Variants in PLXNB2 observed in about 807,000 individuals in gnomAD.
PLXNB2 encodes the protein plexin-B2.
Under a neutral mutation model 202.6 loss-of-function variants are expected in PLXNB2, and 85 were observed. The ratio of observed to expected loss-of-function variants is 0.42; its 90% CI spans 0.35 to 0.50. The LOEUF (loss-of-function observed/expected upper bound fraction) is 0.50, where lower values mean the gene tolerates loss of function less well. PLXNB2 is among the 20% of genes least tolerant of loss of function. The pLI is 0.02. For missense variants in PLXNB2, 2,063 were observed against 2,586.2 expected, an observed-to-expected ratio of 0.80 and a Z score of 4.39; for synonymous variants, 1,239 against 1,137.6, an observed-to-expected ratio of 1.09 and a Z score of -1.79.
chr22:50,279,615 A>G lies in PLXNB2; in HGVS notation c.4389+15T>C. ...ATCCGAGGCGCCCATGGCGGCCCCCACCCCAGAAGCTCACCAGGGGTGCGT... is the reference window on the plus strand; with the variant it reads ...ATCCGAGGCGCCCATGGCGGCCCCCGCCCCAGAAGCTCACCAGGGGTGCGT... On this transcript the variant is annotated intron_variant, in intron 27 of 36. Transcript: ENST00000359337. 6.2e-7 allele frequency: 1 copy of G among 1,612,132 alleles called. No homozygotes were observed. Among genetic ancestry groups the G allele is most frequent in the Non-Finnish European group, 8.5e-7 (1 of 1,179,244 alleles).
intron 1 of PLXNB2, among the ~76,000 whole-genome samples, chr22:50,304,626 C>T (rs2067822800): frequency 6.6e-6 from 1 of 152,064 alleles, no homozygotes; most frequent in South Asian, 2.1e-4. Context: ...GGGCAGCTGC[C>T]TCCCCGGGGC....
chr22:50,298,845 C>G (rs1195716812), intron 1 of PLXNB2, among the ~76,000 whole-genome samples: 1 of 152,346 alleles, frequency 6.6e-6, no homozygotes, highest in African/African-American at 2.4e-5. Context: ...GGGGCTTCAC[C>G]GTGTTGCCCA....
In PLXNB2 at chr22:50,277,838, G is replaced by C. The variant is rs2065715829; in HGVS notation, c.5048+15C>G. 2 of 1,609,446 alleles carry C rather than the reference G, an allele frequency of 1.2e-6. No individual in the cohort carries two copies. Among genetic ancestry groups the C allele is most frequent in the Admixed American group, 3.3e-5 (2 of 59,970 alleles). On this transcript the variant is annotated intron_variant, in intron 32 of 36. Coordinates refer to ENST00000359337, the MANE Select transcript of PLXNB2 (RefSeq NM_012401.4). The stretch of plus-strand genomic sequence containing the variant: ...GGAGCCGGGGCTGGGCCGCGGGGTG[G>C]GTGTGGAGCCTCACCTGTTCGTCTT...
chr22:50,307,026 C>A (rs546966430), intron 1 of PLXNB2, among the ~76,000 whole-genome samples: 24 of 152,098 alleles, frequency 1.6e-4, no homozygotes, highest in African/African-American at 5.5e-4. Context: ...CTCGGGGTGT[C>A]CACCCAGACG....
At chr22:50,299,396 C>T (rs1245350502) in intron 1 of PLXNB2, among the ~76,000 whole-genome samples, 1 of 152,144 alleles carries the variant, frequency 6.6e-6, no homozygotes, top group Non-Finnish European at 1.5e-5. Context: ...CTGAGAGTGG[C>T]TGTCCCGGAA....
chr22:50,292,213 C>T (rs1412243044), intron 2 of PLXNB2, among the ~76,000 whole-genome samples: 13 of 152,044 alleles, frequency 8.6e-5, no homozygotes, highest in Admixed American at 8.5e-4. Context: ...TGGCACCCGC[C>T]TGTAGTCTCA....
At position 50,289,174 on chromosome 22, in the gene PLXNB2, AC is replaced by A; in HGVS notation, c.1069-33del. On this transcript the variant is annotated intron_variant, in intron 3 of 36. Transcript: ENST00000359337. The surrounding 1 kb of genome is among the most constrained non-coding windows in gnomAD (Gnocchi z 8.0). Reference sequence around the variant, plus strand: ...ACCACAGCGTGTCAATGGCAGGCAGACCCCCTGTCCTGAAGGGCCCTCTCCA... The same window carrying A: ...ACCACAGCGTGTCAATGGCAGGCAGACCCCTGTCCTGAAGGGCCCTCTCCA... 1.3e-6 allele frequency: 2 copies of A among 1,517,938 alleles called. No individual in the cohort carries two copies. Among genetic ancestry groups the A allele is most frequent in the Middle Eastern group, 1.7e-4 (1 of 5,756 alleles). The allele number at this position is 1,517,938 out of a possible 1,614,324, so 94.0% of individuals were successfully genotyped here.
At chr22:50,292,917 T>C (rs1425849467) in intron 2 of PLXNB2, among the ~76,000 whole-genome samples, 1 of 152,018 alleles carries the variant, frequency 6.6e-6, no homozygotes, top group Non-Finnish European at 1.5e-5. Flanking sequence ...GGCACAGAAC[T>C]CCCTCCCTGC....
At position 50,277,093 on chromosome 22, in the gene PLXNB2, G is replaced by A. The variant is rs530376229; in HGVS notation, c.5197-187C>T. On this transcript the variant is annotated intron_variant, in intron 33 of 36. Coordinates refer to ENST00000359337, the MANE Select transcript of PLXNB2 (RefSeq NM_012401.4). ...AGGCTGAGGCAGGCAGATCACCTGA[G>A]GTCAGGGGTTCGAGACCAGCCTGCC... Among the ~76,000 whole-genome samples the A allele has an allele frequency of 2.4e-4, 36 of 152,264 alleles. No homozygotes were observed. In the South Asian group the frequency reaches 7.2e-3, roughly 31 times the overall value.
At chr22:50,299,183 G>A (rs959641124) in intron 1 of PLXNB2, among the ~76,000 whole-genome samples, 1 of 152,172 alleles carries the variant, frequency 6.6e-6, no homozygotes, top group African/African-American at 2.4e-5. Flanking sequence ...GGCCTGGGAG[G>A]GCAGGAGGGG....
chr22:50,290,721 GA>G, intron 2 of PLXNB2, 124 bp from the exon 3 acceptor site: 1 of 1,062,998 alleles, frequency 9.4e-7, no homozygotes, highest in Non-Finnish European at 1.3e-6. Context: ...ACGAACTGAG[GA>G]ACCTGGAGCT....
At position 50,297,584 on chromosome 22, in the gene PLXNB2, T is replaced by C. The variant is rs1457911601; in HGVS notation, c.-73-2806A>G. On this transcript the variant is annotated intron_variant, in intron 1 of 36. Coordinates refer to ENST00000359337, the MANE Select transcript of PLXNB2 (RefSeq NM_012401.4). The surrounding 1 kb of genome is among the most constrained non-coding windows in gnomAD (Gnocchi z 5.3). ...CTCTGGCTTCTCCCACCTCCATCCA[T>C]CTTGCCCTCAACACTGAGCCAGGCT... 6.6e-6 allele frequency among the ~76,000 whole-genome samples: 1 copy of C among 152,014 alleles called. No individual in the cohort carries two copies. Among genetic ancestry groups the C allele is most frequent in the East Asian group, 1.9e-4 (1 of 5,184 alleles).
intron 27 of PLXNB2, among the ~76,000 whole-genome samples, 189 bp from the exon 28 acceptor site, chr22:50,279,200 C>T (rs1340658908): frequency 2.0e-5 from 3 of 152,248 alleles, no homozygotes; most frequent in South Asian, 2.1e-4. Flanking sequence ...CTGCCTGCTC[C>T]GGCTCAGCAG....
At position 50,287,176 on chromosome 22, in the gene PLXNB2, C is replaced by A; in HGVS notation, c.1697G>T (p.Arg566Leu). 6.5e-7 allele frequency: 1 copy of A among 1,547,696 alleles called. No individual in the cohort carries two copies. The highest frequency in any genetic ancestry group is 8.7e-7 in the Non-Finnish European group (1 of 1,145,492). ...LFGESPPHPA[R>L]VEGEAVICNS... ...GCAGATGACGGCCTCGCCCTCCACG[C>A]GGGCGGGGTGTGGCGGCGACTCCCC... Residue 566 changes from arginine (R) to leucine (L), a missense_variant, in exon 8 of 37, where the codon CGC becomes CTC. Physicochemically the swap from Arg to Leu is moderately radical, Grantham distance 102. Transcript: ENST00000359337.
chr22:50,280,630 C>T lies in PLXNB2; in HGVS notation c.4034G>A (p.Arg1345His). ...TLENQREFSA[R>H]AKVYFASLLT... The stretch of plus-strand genomic sequence containing the variant: ...CAGGGACGCGAAGTAGACCTTGGCG[C>T]GGGCCGAGAACTCCCGCTGGTTCTC... Residue 1345 changes from arginine to histidine, a missense_variant, in exon 25 of 37, where the codon CGC (arginine) becomes CAC (histidine). Coordinates refer to ENST00000359337, the MANE Select transcript of PLXNB2 (RefSeq NM_012401.4). The T allele has an allele frequency of 6.2e-7, 1 of 1,612,634 alleles. No homozygotes were observed. The highest frequency in any genetic ancestry group is 8.5e-7 in the Non-Finnish European group (1 of 1,179,866).
In PLXNB2 at chr22:50,278,165, C is replaced by G. The variant is rs1179946710; in HGVS notation, c.4839G>C (p.Arg1613=). ...SKRGSVKEKE[R]TKAITEIYLT... ...GGTAGATCTCGGTGATGGCCTTCGT[C>G]CGCTCCTTCTCTTTCACGCTGCCTC... is the stretch of plus-strand genomic sequence containing the variant. Residue 1613 remains arginine (R), a synonymous_variant, in exon 31 of 37, where the codon CGG becomes CGC. Coordinates refer to ENST00000359337, the MANE Select transcript of PLXNB2 (RefSeq NM_012401.4). 6 of 1,595,152 alleles carry G rather than the reference C, an allele frequency of 3.8e-6. No individual in the cohort carries two copies. Among genetic ancestry groups the G allele is most frequent in the Non-Finnish European group, 5.1e-6 (6 of 1,176,730 alleles).
Position 50,280,082 on chromosome 22 carries a change from A to C in PLXNB2, c.4176-11T>G, listed in dbSNP as rs1461882599. 1.3e-6 allele frequency: 2 copies of C among 1,596,272 alleles called. No individual in the cohort carries two copies. The highest frequency in any genetic ancestry group is 2.7e-5 in the African/African-American group (2 of 74,208). Reference sequence around the variant, plus strand: ...ACCACAGTCTCAGACCTGGGGGTGCAGGGAGGCCTTGTACCGAGTGACCCC... The same window carrying C: ...ACCACAGTCTCAGACCTGGGGGTGCCGGGAGGCCTTGTACCGAGTGACCCC... On this transcript the variant is annotated splice_polypyrimidine_tract_variant and intron_variant, in intron 25 of 36. Coordinates refer to ENST00000359337, the MANE Select transcript of PLXNB2 (RefSeq NM_012401.4).
intron 1 of PLXNB2, 111 bp downstream of exon 1, chr22:50,307,442 G>T: frequency 3.7e-6 from 2 of 546,194 alleles, no homozygotes; most frequent in Admixed American, 6.4e-5. Context: ...CGCAGCCGCC[G>T]CAGGTCCCCG....
In PLXNB2 at chr22:50,283,411, A is replaced by G. The variant is rs1432723103; in HGVS notation, c.2605T>C (p.Phe869Leu). ...ACGTCCACCTCGACACCCCCCGTGAAAGGCGTCTCCGCAGCCTCGATCACA... is the reference window on the plus strand; with the variant it reads ...ACGTCCACCTCGACACCCCCCGTGAGAGGCGTCTCCGCAGCCTCGATCACA... The part of the protein sequence containing the change: ...VCVIEAAETP[F>L]TGGVEVDVFG... The change falls in exon 16 of 37, where the codon TTC becomes CTC. Residue 869 changes from phenylalanine to leucine, a missense_variant. Around this residue, in one of 2 missense-constraint regions of PLXNB2, gnomAD observed 1,303 missense variants for 1,476.8 expected, o/e 0.88. Coordinates refer to ENST00000359337, the MANE Select transcript of PLXNB2 (RefSeq NM_012401.4). The G allele has an allele frequency of 1.9e-6, 3 of 1,613,022 alleles. No homozygotes were observed. The highest frequency in any genetic ancestry group is 2.5e-6 in the Non-Finnish European group (3 of 1,179,926).
Sources: allele counts gnomAD v4.1 joint callset (sites outside exome capture counted in the v4.1 genomes callset), GRCh38; gene constraint gnomAD v4.1.1; regional missense constraint gnomAD v4.1.1; non-coding constraint Gnocchi (gnomAD v3.1); transcripts MANE v1.5; gene names NCBI Gene and HGNC (gene_info 2026-07-23, HGNC 2026-07-21).